Variants in CNTN5 observed in about 807,000 individuals in gnomAD.
The protein encoded by CNTN5 is contactin 5.
Under a neutral mutation model 129.1 loss-of-function variants are expected in CNTN5, and 77 were observed. That is an observed-to-expected ratio of 0.60 (90% CI 0.50 to 0.72). CNTN5 has a LOEUF of 0.72. Among genes scored for constraint, CNTN5 ranks in the 30% least tolerant of loss-of-function variants. CNTN5 has a pLI of 0.00. For synonymous variants in CNTN5, 509 were observed against 465.6 expected (o/e 1.09, Z -1.20); for missense variants, 1,478 against 1,328.8 (o/e 1.11, Z -1.75).
intron 8 of CNTN5, among the ~76,000 whole-genome samples, chr11:99,993,798 A>C (rs1181075596): frequency 6.6e-6 from 1 of 152,158 alleles, no homozygotes; most frequent in Non-Finnish European, 1.5e-5. Context: ...CATGAAATGT[A>C]AAGCAAAACG....
At chr11:99,231,765 G>C (rs576889945) in intron 1 of CNTN5, among the ~76,000 whole-genome samples, 1 of 151,952 alleles carries the variant, frequency 6.6e-6, no homozygotes, top group African/African-American at 2.4e-5. Context: ...TTTCTTCTAG[G>C]GTTTATATAA....
chr11:99,317,324 A>G (rs1213995521), intron 1 of CNTN5, among the ~76,000 whole-genome samples: 3 of 152,182 alleles, frequency 2.0e-5, no homozygotes, highest in Admixed American at 1.3e-4. Context: ...AAAAAGGACT[A>G]TAGGAGAAAA....
chr11:100,103,249 AAG>A (rs1219005778), intron 13 of CNTN5, among the ~76,000 whole-genome samples: 2 of 152,202 alleles, frequency 1.3e-5, no homozygotes, highest in African/African-American at 4.8e-5. Context: ...GCTTAAACTT[AAG>A]AGAACAGTCT....
chr11:99,970,148 C>T, intron 8 of CNTN5, among the ~76,000 whole-genome samples: 1 of 152,160 alleles, frequency 6.6e-6, no homozygotes, highest in Non-Finnish European at 1.5e-5. Context: ...TTCCTTTCTT[C>T]CCACTTCTAA....
At chr11:99,177,893 A>G (rs1048398774) in intron 1 of CNTN5, among the ~76,000 whole-genome samples, 2 of 152,178 alleles carry the variant, frequency 1.3e-5, no homozygotes, top group South Asian at 2.1e-4. Flanking sequence ...AAGAAATTCT[A>G]TAGAGTTCAG....
chr11:99,790,940 G>T (rs1945720008), intron 3 of CNTN5, among the ~76,000 whole-genome samples: 1 of 151,716 alleles, frequency 6.6e-6, no homozygotes, highest in African/African-American at 2.4e-5. Flanking sequence ...ATCCTTTTTG[G>T]CCACATATAT....
At chr11:100,337,525 C>A in intron 21 of CNTN5, 1 of 740,928 alleles carries the variant, frequency 1.3e-6, no homozygotes, top group Non-Finnish European at 2.5e-6. Flanking sequence ...AAACGCATGT[C>A]TGTATCCCCA....
Position 100,080,088 on chromosome 11 carries a change from A to G in CNTN5, c.1580+5794A>G, listed in dbSNP as rs1944302459. Among the ~76,000 whole-genome samples the G allele has an allele frequency of 2.0e-5, 3 of 152,186 alleles. No homozygotes were observed. The South Asian group carries it at 6.2e-4, about 31-fold the overall frequency. ...TTGTTTCCTTTCCATAAGTGCATATATAAACTGTTGTTGAACCTCATAGAA... is the reference window on the plus strand; with the variant it reads ...TTGTTTCCTTTCCATAAGTGCATATGTAAACTGTTGTTGAACCTCATAGAA... On this transcript the variant is annotated intron_variant, in intron 13 of 24. Coordinates refer to ENST00000524871, the MANE Select transcript of CNTN5 (RefSeq NM_014361.4).
At chr11:100,068,918 C>T (rs1943797399) in intron 10 of CNTN5, among the ~76,000 whole-genome samples, 1 of 152,114 alleles carries the variant, frequency 6.6e-6, no homozygotes, top group South Asian at 2.1e-4. Flanking sequence ...TCTTTAACCT[C>T]TTTGAGTCAA....
rs530021784 is a variant in CNTN5 at position 99,332,054 on chromosome 11, G to T, written c.-71+6570G>T. ...GATGAGTTAATGATAATAAATTACT[G>T]TTGTTTTAAAACATAAAGTTTTGGG... On this transcript the variant is annotated intron_variant, in intron 2 of 24. Coordinates refer to ENST00000524871, the MANE Select transcript of CNTN5 (RefSeq NM_014361.4). Among the ~76,000 whole-genome samples the T allele has an allele frequency of 1.7e-4, 26 of 152,190 alleles. No homozygotes were observed. The East Asian group carries it at 5.0e-3, about 29-fold the overall frequency.
intron 16 of CNTN5, among the ~76,000 whole-genome samples, chr11:100,248,875 G>A (rs1037252764): frequency 1.3e-5 from 2 of 152,124 alleles, no homozygotes; most frequent in African/African-American, 2.4e-5. Context: ...AATTTCACAA[G>A]AAGTCAATAC....
intron 9 of CNTN5, among the ~76,000 whole-genome samples, chr11:100,006,222 A>G (rs1236516538): frequency 2.4e-4 from 36 of 152,140 alleles, no homozygotes; most frequent in Admixed American, 2.4e-3. Context: ...GCAAATTATC[A>G]TCTTTTTGCT....
At chr11:99,555,354 G>C (rs1282863842) in intron 2 of CNTN5, among the ~76,000 whole-genome samples, 1 of 151,966 alleles carries the variant, frequency 6.6e-6, no homozygotes, top group East Asian at 1.9e-4. Flanking sequence ...GGAGGTACTT[G>C]TGGATTACAG....
chr11:99,477,632 A>G (rs1470920387), intron 2 of CNTN5, among the ~76,000 whole-genome samples: 1 of 151,932 alleles, frequency 6.6e-6, no homozygotes, highest in Non-Finnish European at 1.5e-5. Flanking sequence ...AAAATTTAAC[A>G]AAAATAAAAA....
intron 3 of CNTN5, among the ~76,000 whole-genome samples, chr11:99,634,057 C>T (rs1313953632): frequency 6.6e-6 from 1 of 152,068 alleles, no homozygotes; most frequent in African/African-American, 2.4e-5. Context: ...AGGAAGAGAT[C>T]CTCGGGTTTG....
At chr11:99,557,451 A>G (rs1157113611) in intron 3 of CNTN5, among the ~76,000 whole-genome samples, 2 of 151,326 alleles carry the variant, frequency 1.3e-5, no homozygotes, top group African/African-American at 4.8e-5. Context: ...AAATTTCTTT[A>G]TTTCAAAGAA....
At chr11:99,676,151 T>G (rs1363457487) in intron 3 of CNTN5, among the ~76,000 whole-genome samples, 4 of 151,282 alleles carry the variant, frequency 2.6e-5, no homozygotes, top group African/African-American at 9.7e-5. Context: ...TGATTTATAA[T>G]TATTGATTTT....
At chr11:100,206,857 T>C (rs113736443) in intron 15 of CNTN5, among the ~76,000 whole-genome samples, 2 of 152,144 alleles carry the variant, frequency 1.3e-5, no homozygotes, top group African/African-American at 4.8e-5. Flanking sequence ...GCAGATATAT[T>C]TGCTAAACAA....
At chr11:99,113,337 G>A (rs1351876387) in intron 1 of CNTN5, among the ~76,000 whole-genome samples, 1 of 151,924 alleles carries the variant, frequency 6.6e-6, no homozygotes. Context: ...ATTTATATGA[G>A]TTGTCTTGAA....
Sources: gnomAD v4.1 joint callset for allele counts (sites outside exome capture counted in the v4.1 genomes callset) on GRCh38, gnomAD v4.1.1 for gene constraint, MANE v1.5 for transcripts, NCBI Gene and HGNC (gene_info 2026-07-23, HGNC 2026-07-21) for gene names.